Variants in ARMC12 observed in about 807,000 individuals in gnomAD.
ARMC12 encodes armadillo repeat containing 12.
A neutral mutation model predicts 37.4 loss-of-function variants in ARMC12; 25 were observed. The observed-to-expected ratio is 0.67, with a 90% CI of 0.49 to 0.93. ARMC12 has a LOEUF of 0.93. ARMC12 is among the 40% of genes least tolerant of loss of function. The probability of loss-of-function intolerance (pLI) is 0.00; values close to 1 mark genes in which losing one functional copy is unlikely to be tolerated. For missense variants in ARMC12, 384 were observed against 426.6 expected (o/e 0.90, Z 0.88); for synonymous variants, 167 against 176.1 (o/e 0.95, Z 0.41).
chr6:35,747,102 G>C (rs964297823), intron 3 of ARMC12, among the ~76,000 whole-genome samples, 159 bp from the exon 4 acceptor site: 4 of 143,216 alleles, frequency 2.8e-5, no homozygotes, highest in African/African-American at 8.0e-5. Flanking sequence ...CAAGGCAGTG[G>C]GAGTGGGCAA....
chr6:35,746,785 C>T (rs747973288), intron 3 of ARMC12, among the ~76,000 whole-genome samples: 1 of 152,050 alleles, frequency 6.6e-6, no homozygotes, highest in Non-Finnish European at 1.5e-5. Flanking sequence ...ATAGCTGAGA[C>T]AGGGAAAGCT....
chr6:35,736,643 C>A (rs1344751017), upstream of ARMC12, among the ~76,000 whole-genome samples: 1 of 151,764 alleles, frequency 6.6e-6, no homozygotes, highest in East Asian at 1.9e-4. Context: ...TGGAGTCTTG[C>A]TCTGTCGCTT....
chr6:35,748,473 CA>C, intron 5 of ARMC12, 64 bp from the exon 6 acceptor site: 2 of 1,342,660 alleles, frequency 1.5e-6, no homozygotes, highest in Non-Finnish European at 2.0e-6. Flanking sequence ...TAGGAATATA[CA>C]AGAACAAGAA....
intron 3 of ARMC12, among the ~76,000 whole-genome samples, chr6:35,743,416 C>T (rs557122042): frequency 6.6e-6 from 1 of 152,092 alleles, no homozygotes; most frequent in East Asian, 1.9e-4. Context: ...TGGGGTTTCT[C>T]CATGTTGGTC....
At position 35,748,542 on chromosome 6, in the gene ARMC12, A is replaced by G; in HGVS notation, c.695A>G (p.His232Arg). The G allele has an allele frequency of 6.7e-7, 1 of 1,490,256 alleles. No individual in the cohort carries two copies. The highest frequency in any genetic ancestry group is 8.9e-7 in the Non-Finnish European group (1 of 1,118,804). 92.3% of individuals were successfully genotyped at this position (1,490,256 alleles called of 1,614,324 possible). A position where few individuals can be genotyped will look rare whatever the true frequency, so the allele number is the denominator to read the frequency against. The change falls in exon 6 of 6, where the codon CAC becomes CGC. Residue 232 changes from histidine to arginine, a missense_variant. Coordinates refer to ENST00000373866, the MANE Select transcript of ARMC12 (RefSeq NM_001286574.2). ...LLYDILNCQV[H>R]SNFLNLFQPT... ...CTTTCTCTATTCCCATCACAGGTTCACTCCAACTTCCTAAACCTGTTCCAG... is the reference window on the plus strand; with the variant it reads ...CTTTCTCTATTCCCATCACAGGTTCGCTCCAACTTCCTAAACCTGTTCCAG...
chr6:35,732,345 C>G (rs1287778818), upstream of ARMC12, among the ~76,000 whole-genome samples: 1 of 152,180 alleles, frequency 6.6e-6, no homozygotes, highest in African/African-American at 2.4e-5. Context: ...TTGAGCGTCC[C>G]CTGTGCACCG....
Position 35,747,567 on chromosome 6 carries a change from T to A in ARMC12, c.619-9T>A, listed in dbSNP as rs1356271169. The stretch of plus-strand genomic sequence containing the variant: ...TGCCTTCTCATGCTTTACTCTTTCC[T>A]TTATTCAGGTGCAAGCCGTACGACT... On this transcript the variant is annotated splice_polypyrimidine_tract_variant and intron_variant, in intron 4 of 5. Coordinates refer to ENST00000373866, the MANE Select transcript of ARMC12 (RefSeq NM_001286574.2). The A allele has an allele frequency of 6.2e-7, 1 of 1,614,032 alleles. No individual in the cohort carries two copies. Among genetic ancestry groups the A allele is most frequent in the Non-Finnish European group, 8.5e-7 (1 of 1,179,990 alleles).
chr6:35,740,080 T>G (rs144284503), intron 3 of ARMC12, among the ~76,000 whole-genome samples: 324 of 152,248 alleles, frequency 2.1e-3, no homozygotes, highest in African/African-American at 6.7e-3. Flanking sequence ...ATTCCAAAGG[T>G]TTCAGGAGCT....
upstream of ARMC12, among the ~76,000 whole-genome samples, chr6:35,732,605 C>T (rs1048264231): frequency 2.6e-5 from 4 of 152,160 alleles, no homozygotes; most frequent in Non-Finnish European, 4.4e-5. Context: ...TCGGGAATGG[C>T]GGTGTCTTTT....
chr6:35,741,032 TGGGAGTACGGGTGTGCTCAGTGAGTAC>T (rs1767149957), intron 3 of ARMC12, among the ~76,000 whole-genome samples: 1 of 151,916 alleles, frequency 6.6e-6, no homozygotes, highest in African/African-American at 2.4e-5. Context: ...CCCTAGTAGC[TGGGAGTACGGGTGTGCTCAGTGAGTAC>T]GGGAGTACTA....
intron 3 of ARMC12, among the ~76,000 whole-genome samples, chr6:35,739,066 A>G (rs977712483): frequency 6.6e-6 from 1 of 152,184 alleles, no homozygotes; most frequent in African/African-American, 2.4e-5. Context: ...TATAAAGGAC[A>G]CAACTCAGGA....
chr6:35,735,323 AC>A, upstream of ARMC12: 1 of 152,320 alleles, frequency 6.6e-6, no homozygotes, highest in Non-Finnish European at 1.5e-5. The surrounding 1 kb of genome is among the most constrained non-coding windows in gnomAD (Gnocchi z 4.0). Context: ...GCTTCTACTC[AC>A]CCCTCACCAC....
At chr6:35,743,372 A>C (rs1767236170) in intron 3 of ARMC12, among the ~76,000 whole-genome samples, 1 of 151,906 alleles carries the variant, frequency 6.6e-6, no homozygotes, top group Non-Finnish European at 1.5e-5. Context: ...ATGTGCCACC[A>C]CGTTCCGCTG....
chr6:35,748,564 C>A lies in ARMC12; in HGVS notation c.717C>A (p.Phe239Leu). The change falls in exon 6 of 6, where the codon TTC becomes TTA. Residue 239 changes from phenylalanine to leucine, a missense_variant. Transcript: ENST00000373866. ...CQVHSNFLNL[F>L]QPTQSGSLLY... ...TTCACTCCAACTTCCTAAACCTGTT[C>A]CAGCCCACACAGTCAGGGAGTCTCC... The A allele has an allele frequency of 6.5e-7, 1 of 1,535,726 alleles. No homozygotes were observed.
At chr6:35,732,790 A>T (rs1433418936), upstream of ARMC12, among the ~76,000 whole-genome samples, 2 of 152,208 alleles carry the variant, frequency 1.3e-5, no homozygotes, top group Non-Finnish European at 2.9e-5. Flanking sequence ...CCTGTTCCTC[A>T]TTTAGGTATT....
chr6:35,739,929 A>G (rs1412658031), intron 3 of ARMC12, among the ~76,000 whole-genome samples: 1 of 152,070 alleles, frequency 6.6e-6, no homozygotes, highest in Non-Finnish European at 1.5e-5. Flanking sequence ...GAAAATCCCA[A>G]CCTTCTAATC....
upstream of ARMC12, among the ~76,000 whole-genome samples, chr6:35,736,228 TG>T (rs1235656767): frequency 6.6e-6 from 1 of 152,128 alleles, no homozygotes; most frequent in Admixed American, 6.5e-5. Flanking sequence ...TGGAAAAGGG[TG>T]GATTTGCCTC....
chr6:35,744,542 G>A (rs915648771), intron 3 of ARMC12, among the ~76,000 whole-genome samples: 6 of 152,064 alleles, frequency 3.9e-5, no homozygotes. Flanking sequence ...GGATCACGAG[G>A]TCAGGGGTTT....
Position 35,737,151 on chromosome 6 carries a change from C to T in ARMC12, c.43C>T (p.Arg15Cys), listed in dbSNP as rs143012564. Residue 15 changes from arginine to cysteine, a missense_variant, in exon 1 of 6, where the codon CGC becomes TGC. Physicochemically the swap from Arg to Cys is radical, Grantham distance 180. Transcript: ENST00000373866. The part of the protein sequence containing the change: ...IPQYLGQLDI[R>C]KSVVSLATGA... ...CCAATACCTGGGGCAACTGGACATC[C>T]GCAAAAGCGTAGTCAGCCTGGCCAC... 2.5e-5 allele frequency: 41 copies of T among 1,614,094 alleles called. No homozygotes were observed. The highest frequency in any genetic ancestry group is 2.9e-5 in the Non-Finnish European group (34 of 1,180,046).
Sources: gnomAD v4.1 joint callset for allele counts (sites outside exome capture counted in the v4.1 genomes callset) on GRCh38, gnomAD v4.1.1 for gene constraint, Gnocchi (gnomAD v3.1) non-coding constraint, MANE v1.5 for transcripts, NCBI Gene and HGNC (gene_info 2026-07-23, HGNC 2026-07-21) for gene names.